Variants in ABCC1 observed in about 807,000 individuals in gnomAD.
ABCC1 encodes the protein ATP binding cassette subfamily C member 1 (ABCC1 blood group).
A neutral mutation model predicts 172.9 loss-of-function variants in ABCC1; 83 were observed. That is an observed-to-expected ratio of 0.48 (90% CI 0.40 to 0.58). The LOEUF (loss-of-function observed/expected upper bound fraction) is 0.58, where lower values mean the gene tolerates loss of function less well. ABCC1 is among the 20% of genes least tolerant of loss of function. ABCC1 has a pLI of 0.00. For missense variants in ABCC1, 1,817 were observed against 2,002.7 expected, an observed-to-expected ratio of 0.91 and a Z score of 1.77; for synonymous variants, 937 against 825.2, an observed-to-expected ratio of 1.14 and a Z score of -2.32.
At chr16:16,110,763 T>A (rs9933511) in intron 21 of ABCC1, among the ~76,000 whole-genome samples, 49,747 of 152,046 alleles carry the variant, frequency 0.33, 8,531 homozygotes, top group African/African-American at 0.41. Flanking sequence ...TTAGGTCAGG[T>A]TGTCTGATTT....
rs544381106 is a variant in ABCC1, at chr16:16,122,222, AC to A, written c.3590+50del. ...AGCGGGTGGAGGAGGCCGCCTTAGC[AC>A]CTTGTCTCTTTGCCTCGATCTTTTC... On this transcript the variant is annotated intron_variant, in intron 24 of 30. Coordinates refer to ENST00000399410, the MANE Select transcript of ABCC1 (RefSeq NM_004996.4). 4.7e-4 allele frequency: 753 copies of A among 1,596,078 alleles called. 5 individuals carry two copies. The South Asian group carries it at 7.9e-3, about 17-fold the overall frequency.
intron 19 of ABCC1, chr16:16,094,262 A>G (rs1036272327): frequency 3.8e-6 from 1 of 265,532 alleles, no homozygotes; most frequent in African/African-American, 2.3e-5. Flanking sequence ...GGACCAGAGA[A>G]TCTGCATCTG....
chr16:16,092,275 C>T (rs1406839190), intron 19 of ABCC1, among the ~76,000 whole-genome samples: 1 of 152,070 alleles, frequency 6.6e-6, no homozygotes, highest in African/African-American at 2.4e-5. Flanking sequence ...ATTCATACAA[C>T]ATACAATTAA....
chr16:16,036,636 C>T, intron 7 of ABCC1, 33 bp downstream of exon 7: 1 of 1,607,836 alleles, frequency 6.2e-7, no homozygotes, highest in Non-Finnish European at 8.5e-7. Context: ...TCCAGGATGC[C>T]CTGGTCACCT....
At chr16:15,994,782 A>G (rs1404795015) in intron 1 of ABCC1, among the ~76,000 whole-genome samples, 1 of 150,640 alleles carries the variant, frequency 6.6e-6, no homozygotes. Context: ...TTTTTTTTGC[A>G]ATATGAAGTC....
At chr16:16,092,912 C>T (rs1034861333) in intron 19 of ABCC1, among the ~76,000 whole-genome samples, 2 of 152,190 alleles carry the variant, frequency 1.3e-5, no homozygotes, top group African/African-American at 2.4e-5. Flanking sequence ...TCGCTTGAGC[C>T]TGGGAGTCAG....
intron 18 of ABCC1, among the ~76,000 whole-genome samples, chr16:16,090,203 T>C (rs1030031572): frequency 3.3e-5 from 5 of 152,184 alleles, no homozygotes; most frequent in African/African-American, 9.7e-5. Flanking sequence ...TGGCAGGCCC[T>C]TTGCACATGC....
At chr16:16,027,261 A>G (rs908824783) in intron 5 of ABCC1, among the ~76,000 whole-genome samples, 14 of 152,074 alleles carry the variant, frequency 9.2e-5, no homozygotes, top group African/African-American at 3.4e-4. Flanking sequence ...GCTGATAAAT[A>G]CTTGAGGCTT....
intron 16 of ABCC1, among the ~76,000 whole-genome samples, chr16:16,079,855 G>A (rs1481072000): frequency 2.0e-5 from 3 of 148,990 alleles, no homozygotes; most frequent in East Asian, 2.0e-4. Flanking sequence ...GCTCTGTCCC[G>A]CAGGCTGGAG....
chr16:16,104,122 T>G (rs2051936213), intron 20 of ABCC1, among the ~76,000 whole-genome samples: 1 of 152,160 alleles, frequency 6.6e-6, no homozygotes, highest in South Asian at 2.1e-4. Context: ...ATGGTGAGTG[T>G]TACAGCTCAC....
Position 15,997,704 on chromosome 16 carries a change from C to T in ABCC1, c.49-10112C>T, listed in dbSNP as rs2047103983. 3.9e-5 allele frequency among the ~76,000 whole-genome samples: 6 copies of T among 152,042 alleles called. No homozygotes were observed. The South Asian group carries it at 1.2e-3, about 32-fold the overall frequency. On this transcript the variant is annotated intron_variant, in intron 1 of 30. Transcript: ENST00000399410. ...TATTCACCGTTTTTCCCAGAAGCCTCCAGTAGTGAGAGTCGCACTTCTTAC... is the reference window on the plus strand; with the variant it reads ...TATTCACCGTTTTTCCCAGAAGCCTTCAGTAGTGAGAGTCGCACTTCTTAC...
At chr16:15,961,314 C>A (rs180713823) in intron 1 of ABCC1, among the ~76,000 whole-genome samples, 1 of 152,128 alleles carries the variant, frequency 6.6e-6, no homozygotes, top group African/African-American at 2.4e-5. Flanking sequence ...GTACTTTTTT[C>A]CTGTGGTTAA....
chr16:15,953,996 C>T (rs1029530811), intron 1 of ABCC1, among the ~76,000 whole-genome samples: 11 of 149,270 alleles, frequency 7.4e-5, no homozygotes, highest in Admixed American at 6.9e-5. Flanking sequence ...TCTGTTTTCC[C>T]CTCCCCACCC....
intron 1 of ABCC1, among the ~76,000 whole-genome samples, chr16:16,003,946 G>A (rs576722900): frequency 2.0e-5 from 3 of 150,618 alleles, no homozygotes; most frequent in Non-Finnish European, 4.4e-5. Flanking sequence ...GAATTGGTTG[G>A]GGGGGGTGGA....
At chr16:16,112,872 G>C (rs1421144500) in intron 22 of ABCC1, among the ~76,000 whole-genome samples, 2 of 152,204 alleles carry the variant, frequency 1.3e-5, no homozygotes, top group Non-Finnish European at 2.9e-5. Flanking sequence ...CCATTTTACA[G>C]ATGAGGAAAC....
At chr16:15,980,416 C>T (rs949080818) in intron 1 of ABCC1, among the ~76,000 whole-genome samples, 1 of 151,986 alleles carries the variant, frequency 6.6e-6, no homozygotes, top group African/African-American at 2.4e-5. Context: ...TTAATTGACT[C>T]ACAATTCCAC....
intron 1 of ABCC1, among the ~76,000 whole-genome samples, chr16:15,969,292 T>C (rs1449895814): frequency 1.3e-5 from 2 of 152,188 alleles, no homozygotes; most frequent in African/African-American, 2.4e-5. Context: ...TTAATTGATA[T>C]TTAATTGCAG....
At chr16:16,134,003 A>G (rs2045811131) in intron 27 of ABCC1, among the ~76,000 whole-genome samples, 1 of 152,232 alleles carries the variant, frequency 6.6e-6, no homozygotes. Context: ...CAGTGGGGAA[A>G]TGAGGAAATG....
At chr16:16,108,858 C>T (rs3819552) in intron 21 of ABCC1, among the ~76,000 whole-genome samples, 55,440 of 151,410 alleles carry the variant, frequency 0.37, 12,521 homozygotes, top group Non-Finnish European at 0.49. Context: ...TCCCAAAGTA[C>T]TGGGATTACA....
Sources: allele counts gnomAD v4.1 joint callset (sites outside exome capture counted in the v4.1 genomes callset), GRCh38; gene constraint gnomAD v4.1.1; transcripts MANE v1.5; gene names NCBI Gene and HGNC (gene_info 2026-07-23, HGNC 2026-07-21).